CGAS: variants seen among roughly 807,000 people sequenced by gnomAD.
The protein encoded by CGAS is cyclic GMP-AMP synthase.
CGAS carries 31 observed loss-of-function variants against 34.0 expected under a neutral mutation model. The observed-to-expected ratio is 0.91, with a 90% CI of 0.69 to 1.23. The LOEUF (loss-of-function observed/expected upper bound fraction) is 1.23. Among genes scored for constraint, CGAS ranks in the 50% most tolerant of loss-of-function variants. The pLI is 0.00. For synonymous variants in CGAS, 266 were observed against 260.0 expected (o/e 1.02, Z -0.22); for missense variants, 597 against 657.6 (o/e 0.91, Z 1.01).
intron 2 of CGAS, among the ~76,000 whole-genome samples, chr6:73,443,268 C>T (rs1421143063): frequency 8.3e-6 from 1 of 120,428 alleles, no homozygotes; most frequent in African/African-American, 3.2e-5. Context: ...GAGACAGGGT[C>T]TCACTCTGTC....
intron 1 of CGAS, among the ~76,000 whole-genome samples, chr6:73,448,809 G>T (rs954757228): frequency 6.6e-6 from 1 of 152,090 alleles, no homozygotes; most frequent in Non-Finnish European, 1.5e-5. Context: ...AAAGTTTTAG[G>T]CTGGGTGTAG....
chr6:73,436,595 T>A (rs1770284027), intron 3 of CGAS, among the ~76,000 whole-genome samples: 1 of 151,940 alleles, frequency 6.6e-6, no homozygotes, highest in Non-Finnish European at 1.5e-5. Context: ...CCATCTTGGC[T>A]CACTGCAGCC....
chr6:73,428,693 A>G lies in CGAS; in HGVS notation c.1217+16T>C. ...TACCATAGATAATCTGTCATTTAACAAAATAAGGCTGTTACCTGCAACATT... is the reference window on the plus strand; with the variant it reads ...TACCATAGATAATCTGTCATTTAACGAAATAAGGCTGTTACCTGCAACATT... On this transcript the variant is annotated intron_variant, in intron 4 of 4. Coordinates refer to ENST00000370315, the MANE Select transcript of CGAS (RefSeq NM_138441.3). The G allele has an allele frequency of 6.2e-7, 1 of 1,601,886 alleles. No individual in the cohort carries two copies. The highest frequency in any genetic ancestry group is 8.5e-7 in the Non-Finnish European group (1 of 1,173,678).
At position 73,425,222 on chromosome 6, in the gene CGAS, C is replaced by A. The variant is rs1370379624; in HGVS notation, c.*5G>T. 8.4e-6 allele frequency: 13 copies of A among 1,546,526 alleles called. No individual in the cohort carries two copies. Among genetic ancestry groups the A allele is most frequent in the Non-Finnish European group, 1.1e-5 (13 of 1,144,840 alleles). On this transcript the variant is annotated 3_prime_UTR_variant, in exon 5 of 5. Transcript: ENST00000370315. ...TAGTTCTTAGATCTTTCTAAAAATA[C>A]AATCTCAAAATTCATCAAAAACTGG...
chr6:73,426,349 GATAAAATAAA>G (rs146402507), intron 4 of CGAS, among the ~76,000 whole-genome samples: 1 of 148,798 alleles, frequency 6.7e-6, no homozygotes, highest in African/African-American at 2.5e-5. Context: ...GAAATGAAAT[GATAAAATAAA>G]ATAAAATAAA....
intron 2 of CGAS, among the ~76,000 whole-genome samples, chr6:73,444,683 A>G (rs1366727347): frequency 7.2e-5 from 11 of 152,252 alleles, no homozygotes. Context: ...ATTTTAAAAC[A>G]TTTACTCTGG....
At chr6:73,428,107 T>G (rs1770119382) in intron 4 of CGAS, among the ~76,000 whole-genome samples, 1 of 151,802 alleles carries the variant, frequency 6.6e-6, no homozygotes, top group Non-Finnish European at 1.5e-5. Flanking sequence ...ACCTGTAATC[T>G]CAGCTACTTG....
chr6:73,435,467 C>T (rs902698638), intron 3 of CGAS, among the ~76,000 whole-genome samples: 16 of 152,074 alleles, frequency 1.1e-4, no homozygotes, highest in Middle Eastern at 6.8e-3. Flanking sequence ...TATTACATAA[C>T]GATTTACTCT....
At chr6:73,446,314 A>G (rs1426945727) in intron 1 of CGAS, among the ~76,000 whole-genome samples, 1 of 135,584 alleles carries the variant, frequency 7.4e-6, no homozygotes, top group Non-Finnish European at 1.6e-5. Flanking sequence ...TGGGCAACAG[A>G]GCAAGACTCC....
chr6:73,425,698 G>T, intron 4 of CGAS, 120 bp from the exon 5 acceptor site: 1 of 656,954 alleles, frequency 1.5e-6, no homozygotes, highest in Non-Finnish European at 2.5e-6. Context: ...TATAGGCCGG[G>T]CGTGGTGACA....
At chr6:73,451,001 A>C (rs1562295683) in intron 1 of CGAS, among the ~76,000 whole-genome samples, 1 of 149,714 alleles carries the variant, frequency 6.7e-6, no homozygotes, top group African/African-American at 2.5e-5. Flanking sequence ...AAAAAAAAAA[A>C]AAAGAAAAGA....
intron 1 of CGAS, among the ~76,000 whole-genome samples, chr6:73,446,104 G>A (rs1049918847): frequency 2.6e-4 from 39 of 152,032 alleles, no homozygotes; most frequent in Non-Finnish European, 5.4e-4. Flanking sequence ...CAAGGCGGGC[G>A]ATTCACCTGA....
In CGAS at chr6:73,452,109, G is replaced by A. The variant is rs372417314; in HGVS notation, c.73C>T (p.Arg25Trp). The A allele has an allele frequency of 6.3e-7, 1 of 1,599,250 alleles. No individual in the cohort carries two copies. The highest frequency in any genetic ancestry group is 8.5e-7 in the Non-Finnish European group (1 of 1,173,610). The change falls in exon 1 of 5, where the codon CGG becomes TGG. Residue 25 changes from arginine (R) to tryptophan (W), a missense_variant. By Grantham distance (101) the Arg-to-Trp change is moderately radical (BLOSUM62 -3). This residue lies in a region of CGAS where 321 missense variants were observed against 314.3 expected (regional missense o/e 1.02). Coordinates refer to ENST00000370315, the MANE Select transcript of CGAS (RefSeq NM_138441.3). Reference protein sequence around the residue: ...AGATAPKASARNARGAPMDPT... With the variant: ...AGATAPKASAWNARGAPMDPT... ...TCCATCGGGGCGCCCCTGGCATTCC[G>A]TGCGGAAGCCTTGGGGGCAGTGGCT...
chr6:73,445,883 A>C, intron 1 of CGAS, 136 bp from the exon 2 acceptor site: 1 of 601,966 alleles, frequency 1.7e-6, no homozygotes, highest in South Asian at 2.3e-5. Flanking sequence ...ACCCTCTGGG[A>C]GTGGGACTAG....
At chr6:73,432,328 A>AT (rs1361164961) in intron 3 of CGAS, among the ~76,000 whole-genome samples, 1 of 151,490 alleles carries the variant, frequency 6.6e-6, no homozygotes, top group South Asian at 2.1e-4. Context: ...TGCCCGGCTA[A>AT]TTTTGTATTT....
At chr6:73,436,480 T>C (rs1025674093) in intron 3 of CGAS, among the ~76,000 whole-genome samples, 8 of 150,860 alleles carry the variant, frequency 5.3e-5, no homozygotes, top group African/African-American at 1.7e-4. Flanking sequence ...TTATATACTA[T>C]ATACACATTT....
intron 3 of CGAS, among the ~76,000 whole-genome samples, chr6:73,434,183 A>G (rs2150811602): frequency 6.6e-6 from 1 of 152,360 alleles, no homozygotes; most frequent in Non-Finnish European, 1.5e-5. Context: ...GGCCCTCTGT[A>G]TCTGAGGGTT....
intron 1 of CGAS, among the ~76,000 whole-genome samples, chr6:73,449,853 G>A (rs922208539): frequency 1.8e-4 from 28 of 151,774 alleles, no homozygotes; most frequent in African/African-American, 6.1e-4. Flanking sequence ...AAATTAGCCG[G>A]GAGTGGGGGC....
Position 73,425,190 on chromosome 6 carries a change from G to A in CGAS, c.*37C>T. 2 of 1,426,320 alleles carry A rather than the reference G, an allele frequency of 1.4e-6. No individual in the cohort carries two copies. Among genetic ancestry groups the A allele is most frequent in the Non-Finnish European group, 1.9e-6 (2 of 1,058,580 alleles). The allele number at this position is 1,426,320 out of a possible 1,614,324, so 88.4% of individuals were successfully genotyped here. ...TTTCTTGTATTCTCCAGGATTTAGG[G>A]TGACTCTAGTTCTTAGATCTTTCTA... On this transcript the variant is annotated 3_prime_UTR_variant, in exon 5 of 5. Coordinates refer to ENST00000370315, the MANE Select transcript of CGAS (RefSeq NM_138441.3).
Sources: allele counts gnomAD v4.1 joint callset (sites outside exome capture counted in the v4.1 genomes callset), GRCh38; gene constraint gnomAD v4.1.1; regional missense constraint gnomAD v4.1.1; transcripts MANE v1.5; gene names NCBI Gene and HGNC (gene_info 2026-07-23, HGNC 2026-07-21).